Variants in DOK1 observed in about 807,000 individuals in gnomAD.
The protein encoded by DOK1 is Downstream of tyrosine kinase 1.
DOK1 carries 12 observed loss-of-function variants against 24.0 expected under a neutral mutation model. That is an observed-to-expected ratio of 0.50 (90% CI 0.32 to 0.81). The LOEUF (loss-of-function observed/expected upper bound fraction) is 0.81. DOK1 is among the 30% of genes least tolerant of loss of function. DOK1 has a pLI of 0.03. For synonymous variants in DOK1, 250 were observed against 260.9 expected (o/e 0.96, Z 0.40); for missense variants, 591 against 620.7 (o/e 0.95, Z 0.51).
At chr2:74,552,515 C>T (rs1436405767), upstream of DOK1, 2 of 1,613,536 alleles carry the variant, frequency 1.2e-6, no homozygotes, top group Non-Finnish European at 1.7e-6. Context: ...ACCGAAGCCC[C>T]TGGCTCCCGG....
rs1326715095 is a variant in DOK1 at position 74,549,699 on chromosome 2, C to G, written c.-358+527C>G. The G allele has an allele frequency of 1.3e-5, 19 of 1,449,190 alleles. No individual in the cohort carries two copies. The highest frequency in any genetic ancestry group is 1.7e-5 in the Non-Finnish European group (19 of 1,097,742). The allele number at this position is 1,449,190 out of a possible 1,614,324, so 89.8% of individuals were successfully genotyped here. Reference sequence around the variant, plus strand: ...TGTAAACCCAGTGGCGGGATGGGCCCGAGGCGGCGCTGAGAGAGCGGCCAC... The same window carrying G: ...TGTAAACCCAGTGGCGGGATGGGCCGGAGGCGGCGCTGAGAGAGCGGCCAC... On this transcript the variant is annotated intron_variant, in intron 1 of 4. Transcript: ENST00000409429. This position sits in a 1 kb window ranked among gnomAD's most constrained non-coding sequence, Gnocchi z 5.3.
chr2:74,556,673 T>G lies in DOK1; in HGVS notation c.1005T>G (p.Pro335=), dbSNP rs759874626. Reference sequence around the variant, plus strand: ...GAGAGGGAGTACAACGGAAGAAACCTCTCTATTGGGACTTGTATGAGCATG... The same window carrying G: ...GAGAGGGAGTACAACGGAAGAAACCGCTCTATTGGGACTTGTATGAGCATG... ...QAGEGVQRKK[P]LYWDLYEHAQ... is the part of the protein sequence containing the mutation. The change falls in exon 5 of 5, where the codon CCT becomes CCG. Residue 335 remains proline, a synonymous_variant. Transcript: ENST00000233668. The surrounding 1 kb of genome is among the most constrained non-coding windows in gnomAD (Gnocchi z 4.1). 21 of 1,614,174 alleles carry G rather than the reference T, an allele frequency of 1.3e-5. No homozygotes were observed. In the South Asian group the frequency reaches 2.1e-4, roughly 16 times the overall value.
At position 74,555,410 on chromosome 2, in the gene DOK1, C is replaced by G. The variant is rs1419311632; in HGVS notation, c.317C>G (p.Ser106Cys). 6.2e-7 allele frequency: 1 copy of G among 1,611,306 alleles called. No homozygotes were observed. Among genetic ancestry groups the G allele is most frequent in the Non-Finnish European group, 8.5e-7 (1 of 1,179,354 alleles). The change falls in exon 2 of 5, where the codon TCC becomes TGC. Residue 106 changes from serine (S) to cysteine (C), a missense_variant. Ser to Cys is a moderately radical substitution (Grantham distance 112). Coordinates refer to ENST00000233668, the MANE Select transcript of DOK1 (RefSeq NM_001381.5). The surrounding 1 kb of genome is among the most constrained non-coding windows in gnomAD (Gnocchi z 6.1). ...CACCTGCTGGCGGCCGACGCGCCGT[C>G]CAGTGCAGCCTGGGTGCAGACGCTG... ...RSHLLAADAPSSAAWVQTLCR... is the reference protein window; with the variant it reads ...RSHLLAADAPCSAAWVQTLCR...
upstream of DOK1, chr2:74,550,286 A>C (rs1186343174): frequency 1.2e-6 from 2 of 1,613,998 alleles, no homozygotes; most frequent in Non-Finnish European, 1.7e-6. Flanking sequence ...CAGCCCCGGG[A>C]GGCACATTCA....
chr2:74,552,248 A>G, upstream of DOK1: 1 of 1,404,744 alleles, frequency 7.1e-7, no homozygotes, highest in Non-Finnish European at 9.8e-7. Context: ...TGGCTGTGCC[A>G]TCCTCGTGTT....
upstream of DOK1, among the ~76,000 whole-genome samples, chr2:74,551,545 A>G (rs1265048763): frequency 6.6e-6 from 1 of 152,238 alleles, no homozygotes; most frequent in East Asian, 1.9e-4. Context: ...TTTACTTTCC[A>G]TATCAATCCC....
Position 74,549,524 on chromosome 2 carries a change from T to C in DOK1, c.-358+352T>C. On this transcript the variant is annotated intron_variant, in intron 1 of 4. Coordinates refer to the DOK1 transcript ENST00000409429. The surrounding 1 kb of genome is among the most constrained non-coding windows in gnomAD (Gnocchi z 5.3). ...GCCCCTCCGTCACGGGCAGGGGTCG[T>C]CTGCCCCACCCAACGGCGGGTCGAA... 1 of 1,613,360 alleles carries C rather than the reference T, an allele frequency of 6.2e-7. No homozygotes were observed.
upstream of DOK1, chr2:74,552,722 G>T: frequency 7.7e-7 from 1 of 1,293,094 alleles, no homozygotes; most frequent in Non-Finnish European, 1.0e-6. Context: ...AGAGGGAGAA[G>T]TCACGAAAGA....
At position 74,557,037 on chromosome 2, in the gene DOK1, GC is replaced by G. The variant is rs1292994836; in HGVS notation, c.1371del (p.Ser458GlnfsTer11). ...ALYSQVQKSG[A>X]SGSWDCGLSR... ...GTACAGCCAGGTCCAGAAGAGCGGG[GC>G]CTCAGGGAGCTGGGACTGTGGGCTC... is the stretch of plus-strand genomic sequence containing the variant. On this transcript the variant is annotated frameshift_variant, in exon 5 of 5. Coordinates refer to ENST00000233668, the MANE Select transcript of DOK1 (RefSeq NM_001381.5). LOFTEE classifies it low-confidence loss of function (END_TRUNC). 6.2e-7 allele frequency: 1 copy of G among 1,614,224 alleles called. No individual in the cohort carries two copies. Among genetic ancestry groups the G allele is most frequent in the Non-Finnish European group, 8.5e-7 (1 of 1,180,044 alleles).
Position 74,557,483 on chromosome 2 carries a change from C to T in DOK1, c.*369C>T, listed in dbSNP as rs963289926. ...GACTGTGCCTGGATCCTTACTCCTG[C>T]ATTGTTCTTTGCCAGAGACCTATTT... On this transcript the variant is annotated 3_prime_UTR_variant, in exon 5 of 5. Transcript: ENST00000233668. The T allele has an allele frequency of 5.0e-6, 1 of 200,476 alleles. No individual in the cohort carries two copies. The highest frequency in any genetic ancestry group is 1.0e-5 in the Non-Finnish European group (1 of 98,008). The allele number at this position is 200,476 out of a possible 1,614,324, so 12.4% of individuals were successfully genotyped here.
chr2:74,551,442 C>G (rs1677004783), upstream of DOK1, among the ~76,000 whole-genome samples: 1 of 152,250 alleles, frequency 6.6e-6, no homozygotes, highest in Non-Finnish European at 1.5e-5. Flanking sequence ...ACATCTGATT[C>G]ATTCCTTTGG....
chr2:74,550,496 G>A, upstream of DOK1: 1 of 841,492 alleles, frequency 1.2e-6, no homozygotes, highest in South Asian at 1.8e-5. Flanking sequence ...AGACGGGACA[G>A]GGGACCCTGG....
In DOK1 at chr2:74,549,226, T is replaced by G; in HGVS notation, c.-358+54T>G. The G allele has an allele frequency of 1.1e-6, 1 of 927,866 alleles. No homozygotes were observed. The highest frequency in any genetic ancestry group is 1.5e-6 in the Non-Finnish European group (1 of 648,182). 57.5% of individuals were successfully genotyped at this position (927,866 alleles called of 1,614,324 possible). A position where few individuals can be genotyped will look rare whatever the true frequency, so the allele number is the denominator to read the frequency against. Reference sequence around the variant, plus strand: ...CCACAAGATTTCCCAACTCTCCAGCTTTGCAACGGCCTCCATATTTTCCCG... The same window carrying G: ...CCACAAGATTTCCCAACTCTCCAGCGTTGCAACGGCCTCCATATTTTCCCG... On this transcript the variant is annotated intron_variant, in intron 1 of 4. Coordinates refer to the DOK1 transcript ENST00000409429. The surrounding 1 kb of genome is among the most constrained non-coding windows in gnomAD (Gnocchi z 5.3).
upstream of DOK1, chr2:74,552,281 C>A (rs1273015035): frequency 1.3e-6 from 2 of 1,558,692 alleles, no homozygotes; most frequent in African/African-American, 2.7e-5. Flanking sequence ...ACTTTGGCCA[C>A]ACATAGGAAA....
chr2:74,549,914 A>G (rs1452196832), upstream of DOK1: 1 of 985,368 alleles, frequency 1.0e-6, no homozygotes, highest in African/African-American at 1.7e-5. The surrounding 1 kb of genome is among the most constrained non-coding windows in gnomAD (Gnocchi z 5.3). Flanking sequence ...GAAAGCAGGA[A>G]CATTTGAGGA....
In DOK1 at chr2:74,555,098, G is replaced by T; in HGVS notation, c.61-56G>T. The T allele has an allele frequency of 6.4e-7, 1 of 1,554,984 alleles. No individual in the cohort carries two copies. Among genetic ancestry groups the T allele is most frequent in the South Asian group, 1.2e-5 (1 of 82,982 alleles). Reference sequence around the variant, plus strand: ...GCGCCGCAACCTCCTTCCCCGTCGGGACCCGGGCCGCCTGCGCACGCCACT... The same window carrying T: ...GCGCCGCAACCTCCTTCCCCGTCGGTACCCGGGCCGCCTGCGCACGCCACT... On this transcript the variant is annotated intron_variant, in intron 1 of 4. Coordinates refer to ENST00000233668, the MANE Select transcript of DOK1 (RefSeq NM_001381.5). The surrounding 1 kb of genome is among the most constrained non-coding windows in gnomAD (Gnocchi z 6.1).
At chr2:74,552,475 A>G (rs773322576), upstream of DOK1, 30 of 1,613,490 alleles carry the variant, frequency 1.9e-5, no homozygotes, top group Non-Finnish European at 2.5e-5. Context: ...CGGCCCTCGT[A>G]GGGCTTCCTG....
Position 74,556,140 on chromosome 2 carries a change from CAG to C in DOK1, c.639+64_639+65del. ...CAGCTGTGGGAGGGGTGGGGCAGGA[CAG>C]AAAGTGGGAAGCTCTGACCTTTGGA... is the stretch of plus-strand genomic sequence containing the variant. On this transcript the variant is annotated intron_variant, in intron 4 of 4. Coordinates refer to ENST00000233668, the MANE Select transcript of DOK1 (RefSeq NM_001381.5). The surrounding 1 kb of genome is among the most constrained non-coding windows in gnomAD (Gnocchi z 4.1). The C allele has an allele frequency of 1.3e-6, 2 of 1,535,514 alleles. No individual in the cohort carries two copies. Among genetic ancestry groups the C allele is most frequent in the Non-Finnish European group, 1.8e-6 (2 of 1,140,910 alleles).
rs375000246 is a variant in DOK1, at chr2:74,549,277, G to A, written c.-358+105G>A. The A allele has an allele frequency of 7.4e-3, 10,124 of 1,367,120 alleles. 51 individuals carry two copies. Among genetic ancestry groups the A allele is most frequent in the South Asian group, 0.012 (711 of 61,128 alleles). The allele number at this position is 1,367,120 out of a possible 1,614,324, so 84.7% of individuals were successfully genotyped here. ...CGCGTCCCGACCCCCGGGTCCTCCC[G>A]TGCCCCGGACCTGCTCAGATGTCTC... On this transcript the variant is annotated intron_variant, in intron 1 of 4. Coordinates refer to the DOK1 transcript ENST00000409429. This position sits in a 1 kb window ranked among gnomAD's most constrained non-coding sequence, Gnocchi z 5.3.
Sources: allele counts gnomAD v4.1 joint callset (sites outside exome capture counted in the v4.1 genomes callset), GRCh38; gene constraint gnomAD v4.1.1; non-coding constraint Gnocchi (gnomAD v3.1); transcripts MANE v1.5; gene names NCBI Gene and HGNC (gene_info 2026-07-23, HGNC 2026-07-21).